The following PRIM2 variants were observed in gnomAD, a reference collection of about 807,000 sequenced individuals.
PRIM2 encodes DNA primase large subunit.
In PRIM2, 39 loss-of-function variants were observed where a neutral mutation model predicts 67.3. The ratio of observed to expected loss-of-function variants is 0.58; its 90% CI spans 0.45 to 0.76. PRIM2 has a LOEUF of 0.76. PRIM2 is among the 30% of genes least tolerant of loss of function. The pLI is 0.00. For synonymous variants in PRIM2, 143 were observed against 198.7 expected (o/e 0.72, Z 2.36); for missense variants, 398 against 598.7 (o/e 0.66, Z 3.50).
intron 10 of PRIM2, among the ~76,000 whole-genome samples, chr6:57,577,878 G>A (rs1775992088): frequency 1.3e-5 from 2 of 152,080 alleles, no homozygotes; most frequent in Admixed American, 1.3e-4. Flanking sequence ...ATTAACATTG[G>A]TACAATACTG....
chr6:57,564,990 A>G (rs1775708123), intron 10 of PRIM2, among the ~76,000 whole-genome samples: 1 of 152,186 alleles, frequency 6.6e-6, no homozygotes, highest in Non-Finnish European at 1.5e-5. Flanking sequence ...TGGACTGGCC[A>G]TAGTTGGCCA....
chr6:57,313,421 A>C (rs6927785), upstream of PRIM2, among the ~76,000 whole-genome samples: 9,112 of 152,218 alleles, frequency 0.06, 892 homozygotes, highest in African/African-American at 0.21. Flanking sequence ...GTTGCCTGGC[A>C]CTTAGTAAGT....
chr6:57,488,859 C>T (rs1236499028), intron 7 of PRIM2, among the ~76,000 whole-genome samples: 4 of 152,184 alleles, frequency 2.6e-5, no homozygotes, highest in African/African-American at 9.7e-5. Flanking sequence ...TCCCCTCGTG[C>T]TACAGATGAA....
chr6:57,546,252 G>A (rs1442307545), intron 10 of PRIM2, among the ~76,000 whole-genome samples: 3 of 152,114 alleles, frequency 2.0e-5, no homozygotes, highest in Non-Finnish European at 4.4e-5. Context: ...AAACTATTTT[G>A]CTTTAAAGCA....
chr6:57,308,433 A>G, the PRIM2 span, among the ~76,000 whole-genome samples: 1 of 152,094 alleles, frequency 6.6e-6, no homozygotes, highest in Admixed American at 6.5e-5. Flanking sequence ...CAGTTTATCC[A>G]TTTCTGATGA....
At chr6:57,556,262 A>G (rs1272418845) in intron 10 of PRIM2, among the ~76,000 whole-genome samples, 1 of 152,194 alleles carries the variant, frequency 6.6e-6, no homozygotes, top group Non-Finnish European at 1.5e-5. Context: ...CCAACTACCA[A>G]TGACATTCTT....
chr6:57,498,877 A>G (rs1774066661), intron 7 of PRIM2, among the ~76,000 whole-genome samples: 5 of 152,242 alleles, frequency 3.3e-5, no homozygotes, highest in African/African-American at 1.2e-4. Context: ...TTGCTTACGT[A>G]TTTACCTCCT....
the PRIM2 span, among the ~76,000 whole-genome samples, chr6:57,226,135 C>G: frequency 1.3e-5 from 2 of 152,090 alleles, no homozygotes; most frequent in African/African-American, 4.8e-5. Flanking sequence ...TTTGTGTCCT[C>G]TGGGAGCTTA....
chr6:57,260,775 TA>T, the PRIM2 span, among the ~76,000 whole-genome samples: 12,520 of 152,004 alleles, frequency 0.082, 766 homozygotes, highest in East Asian at 0.17. Flanking sequence ...CTTTGTCCAG[TA>T]AAAAAAGCAG....
chr6:57,374,303 A>ATTTTTTTTTTT (rs778117079), intron 5 of PRIM2, among the ~76,000 whole-genome samples: 1 of 139,792 alleles, frequency 7.2e-6, no homozygotes, highest in African/African-American at 2.6e-5. Flanking sequence ...TTATTTATTT[A>ATTTTTTTTTTT]TTTTTTTTGA....
chr6:57,301,843 A>G, the PRIM2 span, among the ~76,000 whole-genome samples: 2 of 152,208 alleles, frequency 1.3e-5, no homozygotes, highest in Non-Finnish European at 2.9e-5. Context: ...CAGAAAAAGA[A>G]TGGGAGAAAT....
chr6:57,601,740 A>G (rs1206338136), intron 11 of PRIM2, among the ~76,000 whole-genome samples: 6 of 152,256 alleles, frequency 3.9e-5, no homozygotes, highest in African/African-American at 1.4e-4. Flanking sequence ...GTTATTTAAA[A>G]AGAAAAACAA....
At chr6:57,634,008 CTATATG>C (rs1777077918) in intron 13 of PRIM2, among the ~76,000 whole-genome samples, 1 of 152,166 alleles carries the variant, frequency 6.6e-6, no homozygotes, top group African/African-American at 2.4e-5. Flanking sequence ...CAGCAAGATA[CTATATG>C]TATATTTCCC....
intron 12 of PRIM2, among the ~76,000 whole-genome samples, chr6:57,614,351 A>G (rs1188500234): frequency 5.9e-5 from 9 of 152,214 alleles, no homozygotes; most frequent in African/African-American, 1.9e-4. Context: ...AAAAGGTTGG[A>G]GACCATTGTG....
intron 8 of PRIM2, among the ~76,000 whole-genome samples, chr6:57,525,679 A>T (rs1294474724): frequency 6.6e-6 from 1 of 152,198 alleles, no homozygotes; most frequent in African/African-American, 2.4e-5. Flanking sequence ...ATTCAGTGCC[A>T]TTGTATTGCT....
At chr6:57,547,210 G>A (rs1775306890) in intron 10 of PRIM2, among the ~76,000 whole-genome samples, 1 of 152,068 alleles carries the variant, frequency 6.6e-6, no homozygotes, top group Admixed American at 6.6e-5. Flanking sequence ...CACCCTGGGT[G>A]CAAGAGATAT....
chr6:57,331,257 G>A (rs1270258240), intron 5 of PRIM2, among the ~76,000 whole-genome samples: 1 of 151,880 alleles, frequency 6.6e-6, no homozygotes, highest in African/African-American at 2.4e-5. Context: ...TGCAATCCTG[G>A]AATAAATCCC....
In PRIM2 at chr6:57,385,530, A is replaced by T. The variant is rs1187278849; in HGVS notation, c.693+3362A>T. ...CCACAATTCAACATCCAAATAAGAA[A>T]ATTAATGTTTATAAGTTACTACCAT... On this transcript the variant is annotated intron_variant, in intron 7 of 13. Coordinates refer to ENST00000615550, the MANE Select transcript of PRIM2 (RefSeq NM_000947.5). Among the ~76,000 whole-genome samples, 3 of 152,314 alleles carry T rather than the reference A, an allele frequency of 2.0e-5. No homozygotes were observed. The East Asian group carries it at 5.8e-4, about 29-fold the overall frequency.
the PRIM2 span, among the ~76,000 whole-genome samples, chr6:57,240,162 C>T: frequency 5.8e-5 from 8 of 137,502 alleles, no homozygotes; most frequent in Non-Finnish European, 9.0e-5. Context: ...TGCAATGGCG[C>T]GATCTCGGCT....
Sources: allele counts gnomAD v4.1 joint callset (sites outside exome capture counted in the v4.1 genomes callset), GRCh38; gene constraint gnomAD v4.1.1; transcripts MANE v1.5; gene names NCBI Gene and HGNC (gene_info 2026-07-23, HGNC 2026-07-21).